WWOX: variants seen among roughly 807,000 people sequenced by gnomAD.
WWOX encodes WW domain containing oxidoreductase.
A neutral mutation model predicts 46.2 loss-of-function variants in WWOX; 69 were observed. The observed-to-expected ratio is 1.49, with a 90% CI of 1.23 to 1.82. The LOEUF (loss-of-function observed/expected upper bound fraction) is 1.82, where lower values mean the gene tolerates loss of function less well. WWOX is among the 40% of genes most tolerant of loss of function. WWOX has a pLI of 0.00. For synonymous variants in WWOX, 359 were observed against 202.6 expected, an observed-to-expected ratio of 1.77 and a Z score of -6.56; for missense variants, 919 against 542.6, an observed-to-expected ratio of 1.69 and a Z score of -6.89.
chr16:78,399,479 A>G (rs59651367), intron 6 of WWOX, among the ~76,000 whole-genome samples: 216 of 152,270 alleles, frequency 1.4e-3, no homozygotes, highest in African/African-American at 4.8e-3. Flanking sequence ...TGGAGTGGAC[A>G]TGGATCATGG....
chr16:78,611,890 A>G (rs913217529), intron 8 of WWOX, among the ~76,000 whole-genome samples: 3 of 152,228 alleles, frequency 2.0e-5, no homozygotes, highest in African/African-American at 4.8e-5. Flanking sequence ...CTCTCATTCC[A>G]TTGGCTGAAG....
chr16:78,803,850 A>T (rs149449265), intron 8 of WWOX, among the ~76,000 whole-genome samples: 1 of 152,176 alleles, frequency 6.6e-6, no homozygotes, highest in African/African-American at 2.4e-5. Flanking sequence ...TAAAATAGTC[A>T]GAGCTCAAAA....
At chr16:78,540,992 C>G (rs1009218429) in intron 8 of WWOX, among the ~76,000 whole-genome samples, 3 of 152,218 alleles carry the variant, frequency 2.0e-5, no homozygotes, top group Admixed American at 6.5e-5. Context: ...AGGTCCCCCA[C>G]TATTAATAAG....
intron 8 of WWOX, among the ~76,000 whole-genome samples, chr16:78,510,152 C>T (rs1162178826): frequency 6.6e-6 from 1 of 152,114 alleles, no homozygotes; most frequent in Non-Finnish European, 1.5e-5. Flanking sequence ...TTAGGAGTCA[C>T]TTATGCCCTT....
At chr16:78,234,521 T>C (rs1350941413) in intron 5 of WWOX, among the ~76,000 whole-genome samples, 2 of 152,204 alleles carry the variant, frequency 1.3e-5, no homozygotes, top group Admixed American at 6.5e-5. Flanking sequence ...TATTCTGATA[T>C]GCCCTTTTAG....
At chr16:79,060,157 G>T (rs2048333484) in intron 8 of WWOX, among the ~76,000 whole-genome samples, 1 of 152,214 alleles carries the variant, frequency 6.6e-6, no homozygotes, top group Non-Finnish European at 1.5e-5. Flanking sequence ...GGCAGTGGGG[G>T]TGGGGAGGAG....
chr16:78,272,176 C>G (rs1012730461), intron 5 of WWOX, among the ~76,000 whole-genome samples: 27 of 152,072 alleles, frequency 1.8e-4, no homozygotes, highest in African/African-American at 6.5e-4. Context: ...ACTCTTCTGC[C>G]CCTTGTGGTG....
At chr16:79,085,267 G>C (rs557763768) in intron 8 of WWOX, among the ~76,000 whole-genome samples, 233 of 152,178 alleles carry the variant, frequency 1.5e-3, no homozygotes, top group African/African-American at 5.4e-3. Flanking sequence ...CCACCTTCTG[G>C]AGGTCTCTTA....
At chr16:78,611,479 T>A (rs1418270582) in intron 8 of WWOX, among the ~76,000 whole-genome samples, 1 of 152,162 alleles carries the variant, frequency 6.6e-6, no homozygotes, top group Non-Finnish European at 1.5e-5. Flanking sequence ...CTGCCCTGCC[T>A]CCCTGGAGGC....
rs77786673 is a variant in WWOX at position 79,053,451 on chromosome 16, G to C, written c.1057-158157G>C. On this transcript the variant is annotated intron_variant, in intron 8 of 8. Coordinates refer to ENST00000566780, the MANE Select transcript of WWOX (RefSeq NM_016373.4). ...TGCAAATGAATATCCAATTCAATTT[G>C]TAGGAAACTTTAGATTAATTAGGTT... Among the ~76,000 whole-genome samples the C allele has an allele frequency of 9.5e-3, 1,448 of 152,242 alleles. 26 individuals are homozygous for C. Among genetic ancestry groups the C allele is most frequent in the African/African-American group, 0.033 (1,357 of 41,536 alleles).
chr16:78,864,278 T>TC (rs2043954705), intron 8 of WWOX, among the ~76,000 whole-genome samples: 1 of 151,996 alleles, frequency 6.6e-6, no homozygotes, highest in African/African-American at 2.4e-5. Context: ...AGATTTTTTT[T>TC]TTTTTTGAGA....
At chr16:78,681,635 A>T (rs1467217821) in intron 8 of WWOX, among the ~76,000 whole-genome samples, 1 of 152,000 alleles carries the variant, frequency 6.6e-6, no homozygotes, top group Admixed American at 6.5e-5. Flanking sequence ...GAGGTTTGAG[A>T]GTTCCTGCTC....
At position 78,545,102 on chromosome 16, in the gene WWOX, T is replaced by A. The variant is rs569292996; in HGVS notation, c.1056+112350T>A. Among the ~76,000 whole-genome samples the A allele has an allele frequency of 1.4e-3, 209 of 152,336 alleles. 1 individual carries two copies. The highest frequency in any genetic ancestry group is 4.8e-3 in the African/African-American group (199 of 41,574). ...TAAGTTTTCATTCTCATTTTAGTGA[T>A]TCTCTAAGTACATACCCACATTCTG... is the stretch of plus-strand genomic sequence containing the variant. On this transcript the variant is annotated intron_variant, in intron 8 of 8. Coordinates refer to ENST00000566780, the MANE Select transcript of WWOX (RefSeq NM_016373.4).
chr16:78,601,441 G>GGAA (rs111564084), intron 8 of WWOX, among the ~76,000 whole-genome samples: 1 of 144,004 alleles, frequency 6.9e-6, no homozygotes, highest in Non-Finnish European at 1.5e-5. Context: ...CCAGCAGAGA[G>GGAA]AAAAAAAAAA....
At position 78,260,063 on chromosome 16, in the gene WWOX, C is replaced by T. The variant is rs543574396; in HGVS notation, c.516+95774C>T. On this transcript the variant is annotated intron_variant, in intron 5 of 8. Coordinates refer to ENST00000566780, the MANE Select transcript of WWOX (RefSeq NM_016373.4). ...CCAGCAGGCGTTGCCAGAGAACTTA[C>T]ACAGGAGCGTTTCTGCTGGAATCAG... Among the ~76,000 whole-genome samples the T allele has an allele frequency of 2.0e-5, 3 of 151,138 alleles. 1 individual carries two copies. The highest frequency in any genetic ancestry group is 4.4e-5 in the Non-Finnish European group (3 of 67,792).
At chr16:78,214,547 C>G (rs1185592130) in intron 5 of WWOX, among the ~76,000 whole-genome samples, 1 of 152,168 alleles carries the variant, frequency 6.6e-6, no homozygotes, top group East Asian at 1.9e-4. Flanking sequence ...AGGGATTGCA[C>G]CTCCCTCTGA....
intron 6 of WWOX, among the ~76,000 whole-genome samples, chr16:78,410,324 C>A (rs909158764): frequency 2.0e-5 from 3 of 152,188 alleles, no homozygotes; most frequent in African/African-American, 7.2e-5. Context: ...CACACAAGGT[C>A]TTACCCTTGA....
intron 5 of WWOX, among the ~76,000 whole-genome samples, chr16:78,340,142 T>C (rs1054115423): frequency 8.5e-6 from 1 of 117,320 alleles, no homozygotes; most frequent in Non-Finnish European, 2.0e-5. Flanking sequence ...CTTTTCTGTT[T>C]AGTTTCTATC....
intron 8 of WWOX, 23 bp downstream of exon 8, chr16:78,432,775 C>T (rs752277864): frequency 3.5e-5 from 57 of 1,613,850 alleles, no homozygotes; most frequent in Middle Eastern, 3.3e-4. Context: ...CTTCTGGCGC[C>T]GCAAACACCT....
Sources: allele counts gnomAD v4.1 joint callset (sites outside exome capture counted in the v4.1 genomes callset), GRCh38; gene constraint gnomAD v4.1.1; transcripts MANE v1.5; gene names NCBI Gene and HGNC (gene_info 2026-07-23, HGNC 2026-07-21).